The following CACNA2D3 variants were observed in gnomAD, a reference collection of about 807,000 sequenced individuals.
The protein encoded by CACNA2D3 is voltage-dependent calcium channel subunit alpha-2/delta-3.
In CACNA2D3, 60 loss-of-function variants were observed where a neutral mutation model predicts 160.6. The observed-to-expected ratio is 0.37, with a 90% confidence interval of 0.30 to 0.46. The LOEUF (loss-of-function observed/expected upper bound fraction) is 0.46. Ranked by LOEUF, CACNA2D3 falls within the 20% of genes least tolerant of loss-of-function variation. CACNA2D3 has a pLI of 1.00. For missense variants in CACNA2D3, 1,205 were observed against 1,365.0 expected (o/e 0.88, Z 1.85); for synonymous variants, 558 against 492.9 (o/e 1.13, Z -1.75).
chr3:54,972,850 A>G (rs974960011), intron 29 of CACNA2D3, among the ~76,000 whole-genome samples: 5 of 152,150 alleles, frequency 3.3e-5, no homozygotes, highest in Non-Finnish European at 7.4e-5. Context: ...CTTCCAAGCC[A>G]TTGAGGCAAC....
chr3:54,190,233 C>T (rs1700955240), intron 2 of CACNA2D3, among the ~76,000 whole-genome samples: 1 of 152,200 alleles, frequency 6.6e-6, no homozygotes, highest in African/African-American at 2.4e-5. Flanking sequence ...AGGAATTTGA[C>T]ATGAATTTCG....
intron 35 of CACNA2D3, among the ~76,000 whole-genome samples, chr3:55,028,200 C>T (rs899083348): frequency 1.1e-4 from 16 of 152,116 alleles, no homozygotes; most frequent in Admixed American, 1.3e-4. Context: ...TTCAAATTGG[C>T]AACTCCAAAA....
chr3:54,291,059 A>G lies in CACNA2D3; in HGVS notation c.205-29383A>G, dbSNP rs147157220. ...GTACCCTAAAACTTAAAGTATAATA[A>G]AATAAAATAAAAATATGTACCTACA... On this transcript the variant is annotated intron_variant, in intron 2 of 37. Transcript: ENST00000474759. Among the ~76,000 whole-genome samples the G allele has an allele frequency of 1.1e-4, 17 of 152,302 alleles. No homozygotes were observed. In the East Asian group the frequency reaches 3.1e-3, roughly 28 times the overall value.
At chr3:54,297,402 G>A (rs1299065418) in intron 2 of CACNA2D3, among the ~76,000 whole-genome samples, 1 of 152,080 alleles carries the variant, frequency 6.6e-6, no homozygotes, top group African/African-American at 2.4e-5. Flanking sequence ...CTGGTGGGGG[G>A]TGTAGGACAG....
chr3:54,381,938 T>C (rs536611389), intron 3 of CACNA2D3, among the ~76,000 whole-genome samples: 1 of 152,332 alleles, frequency 6.6e-6, no homozygotes, highest in Admixed American at 6.5e-5. Context: ...GGTGCTTTTT[T>C]CCAAGTCGAG....
intron 14 of CACNA2D3, among the ~76,000 whole-genome samples, chr3:54,830,594 C>T (rs76339065): frequency 6.6e-6 from 1 of 151,576 alleles, no homozygotes; most frequent in Non-Finnish European, 1.5e-5. Context: ...GCTGGGATTA[C>T]AGGAGTGCCC....
chr3:54,699,696 T>C lies in CACNA2D3; in HGVS notation c.1168-52903T>C, dbSNP rs181224819. ...TTGGTTCCAGCTTGCTGTGTTCCTT[T>C]GGGTGAGTGATTTAACCACTCTATG... is the stretch of plus-strand genomic sequence containing the variant. On this transcript the variant is annotated intron_variant, in intron 11 of 37. Coordinates refer to ENST00000474759, the MANE Select transcript of CACNA2D3 (RefSeq NM_018398.3). 1.3e-3 allele frequency among the ~76,000 whole-genome samples: 204 copies of C among 152,318 alleles called. 1 individual carries two copies. Among genetic ancestry groups the C allele is most frequent in the African/African-American group, 4.6e-3 (192 of 41,568 alleles).
Position 54,709,011 on chromosome 3 carries a change from C to CTTTT in CACNA2D3, c.1168-43576_1168-43573dup, listed in dbSNP as rs35102613. ...AACCTAATTCTATACCCATCTTCAT[C>CTTTT]TTTTTTTTTTTTTTTCAAGATGGAG... On this transcript the variant is annotated intron_variant, in intron 11 of 37. Coordinates refer to ENST00000474759, the MANE Select transcript of CACNA2D3 (RefSeq NM_018398.3). Among the ~76,000 whole-genome samples, 2 of 142,126 alleles carry CTTTT rather than the reference C, an allele frequency of 1.4e-5. 1 individual carries two copies. The highest frequency in any genetic ancestry group is 3.1e-5 in the Non-Finnish European group (2 of 65,448). The allele number at this position is 142,126 out of a possible 152,430, so 93.2% of individuals were successfully genotyped here. A position where few individuals can be genotyped will look rare whatever the true frequency, so the allele number is the denominator to read the frequency against.
At chr3:54,183,904 A>G (rs1230996193) in intron 2 of CACNA2D3, among the ~76,000 whole-genome samples, 1 of 150,286 alleles carries the variant, frequency 6.7e-6, no homozygotes, top group African/African-American at 2.4e-5. Context: ...AAAAAAAAAA[A>G]AAAAAAAAAA....
intron 27 of CACNA2D3, among the ~76,000 whole-genome samples, chr3:54,951,734 C>G (rs1324207712): frequency 6.6e-6 from 1 of 152,236 alleles, no homozygotes; most frequent in South Asian, 2.1e-4. Flanking sequence ...GAGAAAACAT[C>G]TTCTCCCTTG....
At chr3:54,964,349 G>A (rs962068199) in intron 27 of CACNA2D3, among the ~76,000 whole-genome samples, 12 of 152,074 alleles carry the variant, frequency 7.9e-5, no homozygotes, top group Non-Finnish European at 1.2e-4. Context: ...TGTGACCTCC[G>A]GGGAAATATG....
chr3:54,586,556 T>C (rs575143328), intron 9 of CACNA2D3, among the ~76,000 whole-genome samples: 1 of 152,258 alleles, frequency 6.6e-6, no homozygotes, highest in African/African-American at 2.4e-5. Flanking sequence ...AGGATAGAAA[T>C]AGACAGATTT....
intron 4 of CACNA2D3, among the ~76,000 whole-genome samples, chr3:54,400,391 C>T (rs540222047): frequency 6.6e-6 from 1 of 152,042 alleles, no homozygotes; most frequent in African/African-American, 2.4e-5. Flanking sequence ...CCCACGACTC[C>T]TCTTCCATGG....
intron 31 of CACNA2D3, among the ~76,000 whole-genome samples, chr3:55,001,175 C>G (rs572913834): frequency 6.6e-6 from 1 of 152,296 alleles, no homozygotes; most frequent in South Asian, 2.1e-4. Flanking sequence ...ACAGAAGTTC[C>G]TGCATCATCG....
intron 11 of CACNA2D3, among the ~76,000 whole-genome samples, chr3:54,662,750 G>T (rs1399228451): frequency 6.6e-6 from 1 of 152,220 alleles, no homozygotes; most frequent in African/African-American, 2.4e-5. Flanking sequence ...AAGTGTAAGT[G>T]TACTTAGAAG....
intron 4 of CACNA2D3, among the ~76,000 whole-genome samples, chr3:54,393,234 A>G (rs1315223438): frequency 6.6e-6 from 1 of 152,208 alleles, no homozygotes; most frequent in Admixed American, 6.5e-5. Flanking sequence ...GGAGACTTGT[A>G]GTGCTCTCCA....
chr3:54,401,698 A>T (rs1296719587), intron 4 of CACNA2D3, among the ~76,000 whole-genome samples: 2 of 152,216 alleles, frequency 1.3e-5, no homozygotes, highest in Admixed American at 1.3e-4. Flanking sequence ...TTCCTAGGCA[A>T]GCAAACGTTG....
At chr3:55,031,726 A>T (rs1703694085) in intron 35 of CACNA2D3, among the ~76,000 whole-genome samples, 1 of 152,198 alleles carries the variant, frequency 6.6e-6, no homozygotes, top group Non-Finnish European at 1.5e-5. Flanking sequence ...CAAGAAGCTT[A>T]ACCGGCTAAT....
chr3:54,724,045 T>C (rs969909583), intron 11 of CACNA2D3, among the ~76,000 whole-genome samples: 3 of 152,056 alleles, frequency 2.0e-5, no homozygotes, highest in African/African-American at 4.8e-5. Context: ...CAGACACACA[T>C]AGGCTGAAAA....
Sources: gnomAD v4.1 joint callset for allele counts (sites outside exome capture counted in the v4.1 genomes callset) on GRCh38, gnomAD v4.1.1 for gene constraint, MANE v1.5 for transcripts, NCBI Gene and HGNC (gene_info 2026-07-23, HGNC 2026-07-21) for gene names.